LRP1B: variants seen among roughly 807,000 people sequenced by gnomAD.
The protein encoded by LRP1B is low-density lipoprotein receptor-related protein 1B.
Under a neutral mutation model 556.6 loss-of-function variants are expected in LRP1B, and 217 were observed. That is an observed-to-expected ratio of 0.39 (90% CI 0.35 to 0.44). LRP1B has a LOEUF of 0.44. Ranked by LOEUF, LRP1B falls within the 20% of genes least tolerant of loss-of-function variation. LRP1B has a pLI of 1.00. For synonymous variants in LRP1B, 2,047 were observed against 1,865.8 expected (o/e 1.10, Z -2.50); for missense variants, 5,053 against 5,620.8 (o/e 0.90, Z 3.23).
chr2:142,012,837 T>C (rs1187445936), intron 1 of LRP1B, among the ~76,000 whole-genome samples: 1 of 152,196 alleles, frequency 6.6e-6, no homozygotes, highest in Non-Finnish European at 1.5e-5. Flanking sequence ...ATCTAATAGT[T>C]TCTGTGTAAG....
intron 41 of LRP1B, among the ~76,000 whole-genome samples, chr2:140,666,057 G>T (rs2105348745): frequency 6.6e-6 from 1 of 150,536 alleles, no homozygotes; most frequent in South Asian, 2.1e-4. Flanking sequence ...GCAGTGGCAT[G>T]ATCTCAGCTC....
intron 2 of LRP1B, among the ~76,000 whole-genome samples, chr2:141,657,176 A>G (rs193234614): frequency 3.9e-5 from 6 of 152,242 alleles, no homozygotes; most frequent in Non-Finnish European, 7.4e-5. Context: ...CAGATATTGT[A>G]TTTAGTTAAC....
At chr2:140,535,249 A>G (rs1490565816) in intron 46 of LRP1B, among the ~76,000 whole-genome samples, 1 of 152,196 alleles carries the variant, frequency 6.6e-6, no homozygotes, top group Non-Finnish European at 1.5e-5. Context: ...TAAAAATAAC[A>G]TGAAATATAA....
rs544525556 is a variant in LRP1B at position 141,776,067 on chromosome 2, C to T, written c.205+34212G>A. Among the ~76,000 whole-genome samples the T allele has an allele frequency of 1.2e-3, 190 of 152,058 alleles. 1 individual carries two copies. Among genetic ancestry groups the T allele is most frequent in the African/African-American group, 4.5e-3 (186 of 41,484 alleles). On this transcript the variant is annotated intron_variant, in intron 2 of 90. Coordinates refer to ENST00000389484, the MANE Select transcript of LRP1B (RefSeq NM_018557.3). ...TTCACCATGTTAGCCAGGATGGTCT[C>T]GATCTCCTGACCTCATGATCTGCCT...
At position 141,324,842 on chromosome 2, in the gene LRP1B, C is replaced by T. The variant is rs553656429; in HGVS notation, c.344-70201G>A. Among the ~76,000 whole-genome samples, 24 of 152,022 alleles carry T rather than the reference C, an allele frequency of 1.6e-4. No homozygotes were observed. In the South Asian group the frequency reaches 5.0e-3, roughly 32 times the overall value. ...TTCTCTAGATATACATTAATAAATG[C>T]TTATCAATATTCCAAAAGCCATGGA... On this transcript the variant is annotated intron_variant, in intron 3 of 90. Coordinates refer to ENST00000389484, the MANE Select transcript of LRP1B (RefSeq NM_018557.3).
chr2:140,683,575 T>C, intron 41 of LRP1B: 1 of 680,980 alleles, frequency 1.5e-6, no homozygotes, highest in Non-Finnish European at 2.8e-6. Flanking sequence ...CAGTCTTCAT[T>C]AAAAAGATTG....
chr2:140,578,791 A>AT (rs1335006349), intron 43 of LRP1B, among the ~76,000 whole-genome samples: 4 of 152,152 alleles, frequency 2.6e-5, no homozygotes, highest in Admixed American at 6.5e-5. Flanking sequence ...CCCTGAGATG[A>AT]TTTTTTCTAA....
chr2:141,378,884 C>T (rs1035226181), intron 3 of LRP1B, among the ~76,000 whole-genome samples: 5 of 152,018 alleles, frequency 3.3e-5, no homozygotes, highest in Admixed American at 2.0e-4. Context: ...CTGTGAGATG[C>T]CACCGAGCAG....
chr2:140,434,072 A>T (rs555520843), intron 66 of LRP1B, among the ~76,000 whole-genome samples: 14 of 144,696 alleles, frequency 9.7e-5, no homozygotes, highest in Non-Finnish European at 1.4e-4. Flanking sequence ...TTATTTATTT[A>T]TTTTTTTTTC....
rs2105199021 is a variant in LRP1B at position 140,386,026 on chromosome 2, C to A, written c.10415-17G>T. ...TCTTTTTATCTGTAATGGAAAGAAC[C>A]AGAGTTTGCATTGTAGATTTCCATG... On this transcript the variant is annotated splice_polypyrimidine_tract_variant and intron_variant, in intron 66 of 90. Transcript: ENST00000389484. 1 of 1,480,820 alleles carries A rather than the reference C, an allele frequency of 6.8e-7. No individual in the cohort carries two copies. 91.7% of individuals were successfully genotyped at this position (1,480,820 alleles called of 1,614,324 possible).
chr2:142,104,035 C>A (rs549627090), intron 1 of LRP1B, among the ~76,000 whole-genome samples: 1 of 152,232 alleles, frequency 6.6e-6, no homozygotes, highest in South Asian at 2.1e-4. Context: ...AATCAAGCAA[C>A]ATCTAATGAA....
intron 6 of LRP1B, among the ~76,000 whole-genome samples, chr2:141,212,166 A>AAT (rs931155202): frequency 1.1e-4 from 16 of 149,272 alleles, no homozygotes; most frequent in African/African-American, 3.9e-4. Context: ...TTTCTTAGGG[A>AAT]ATAATATAAA....
intron 2 of LRP1B, among the ~76,000 whole-genome samples, chr2:141,681,289 T>C (rs1364297614): frequency 6.6e-6 from 1 of 151,810 alleles, no homozygotes; most frequent in Non-Finnish European, 1.5e-5. Context: ...CAAGAGCTCG[T>C]CTCAAAAAAT....
At chr2:141,282,465 TTATATGTATATG>T (rs71391648) in intron 3 of LRP1B, among the ~76,000 whole-genome samples, 504 of 135,684 alleles carry the variant, frequency 3.7e-3, no homozygotes, top group African/African-American at 0.012. Context: ...CTCGGGGGTT[TTATATGTATATG>T]TATATGTATA....
At chr2:140,868,023 T>C (rs2105155381) in intron 26 of LRP1B, 76 bp downstream of exon 26, 3 of 1,463,074 alleles carry the variant, frequency 2.1e-6, no homozygotes, top group East Asian at 2.3e-5. Context: ...GATACTGACA[T>C]GTTAGGACAC....
intron 1 of LRP1B, among the ~76,000 whole-genome samples, chr2:142,112,335 A>G (rs1272995533): frequency 6.6e-6 from 1 of 152,120 alleles, no homozygotes; most frequent in Non-Finnish European, 1.5e-5. Context: ...TGTAAAAAAT[A>G]GGGAGGGACT....
chr2:141,800,012 T>C (rs1296606145), intron 2 of LRP1B, among the ~76,000 whole-genome samples: 11 of 152,166 alleles, frequency 7.2e-5, no homozygotes, highest in East Asian at 1.9e-4. Context: ...AAATAAACAA[T>C]TTAAATCTTC....
chr2:141,412,048 G>T (rs1408066328), intron 3 of LRP1B, among the ~76,000 whole-genome samples: 1 of 151,816 alleles, frequency 6.6e-6, no homozygotes, highest in Non-Finnish European at 1.5e-5. Flanking sequence ...ACATTGCATT[G>T]TGCTAAATTA....
chr2:141,532,745 G>A (rs1402649584), intron 2 of LRP1B, among the ~76,000 whole-genome samples: 2 of 152,076 alleles, frequency 1.3e-5, no homozygotes, highest in African/African-American at 4.8e-5. Flanking sequence ...CAGCACTTTG[G>A]GAGGTCAAGG....
Sources: gnomAD v4.1 joint callset for allele counts (sites outside exome capture counted in the v4.1 genomes callset) on GRCh38, gnomAD v4.1.1 for gene constraint, MANE v1.5 for transcripts, NCBI Gene and HGNC (gene_info 2026-07-23, HGNC 2026-07-21) for gene names.